The following EPHA6 variants were observed in gnomAD, a reference collection of about 807,000 sequenced individuals.
EPHA6 encodes the protein ephrin type-A receptor 6.
A neutral mutation model predicts 112.0 loss-of-function variants in EPHA6; 50 were observed. The observed-to-expected ratio is 0.45, with a 90% CI of 0.36 to 0.56. The LOEUF (loss-of-function observed/expected upper bound fraction) is 0.56, where lower values mean the gene tolerates loss of function less well. Ranked by LOEUF, EPHA6 falls within the 20% of genes least tolerant of loss-of-function variation. EPHA6 has a pLI of 0.00. For missense variants in EPHA6, 1,280 were observed against 1,417.4 expected (o/e 0.90, Z 1.56); for synonymous variants, 529 against 490.7 (o/e 1.08, Z -1.03).
chr3:97,677,979 G>C (rs907630144), intron 14 of EPHA6, among the ~76,000 whole-genome samples: 3 of 152,106 alleles, frequency 2.0e-5, no homozygotes, highest in African/African-American at 4.8e-5. Flanking sequence ...ACAAGATGAA[G>C]GCAAAACCCA....
chr3:97,076,297 C>G (rs1283893983), intron 3 of EPHA6, among the ~76,000 whole-genome samples: 2 of 152,070 alleles, frequency 1.3e-5, no homozygotes, highest in African/African-American at 4.8e-5. Context: ...AGCAAAACAG[C>G]CTTATTGCCA....
intron 5 of EPHA6, among the ~76,000 whole-genome samples, chr3:97,330,985 C>T (rs913894451): frequency 2.0e-5 from 3 of 152,110 alleles, no homozygotes; most frequent in African/African-American, 7.2e-5. Context: ...AAATTGACCA[C>T]ATAGTTGGAA....
intron 5 of EPHA6, among the ~76,000 whole-genome samples, chr3:97,334,953 C>T (rs185591321): frequency 1.2e-3 from 175 of 152,166 alleles, no homozygotes; most frequent in Non-Finnish European, 1.9e-3. Flanking sequence ...GTTTGTTTTA[C>T]GGCCTGTTAT....
At chr3:97,663,071 C>A (rs2094180454) in intron 14 of EPHA6, among the ~76,000 whole-genome samples, 1 of 152,120 alleles carries the variant, frequency 6.6e-6, no homozygotes. Context: ...CTCTGAACAA[C>A]TCTGAGGGGA....
intron 3 of EPHA6, among the ~76,000 whole-genome samples, chr3:97,181,628 T>C (rs1262862956): frequency 6.6e-6 from 1 of 152,028 alleles, no homozygotes; most frequent in African/African-American, 2.4e-5. Flanking sequence ...TATATATGTA[T>C]AAAACTTTTA....
chr3:96,848,129 A>T (rs1233486774), intron 1 of EPHA6, among the ~76,000 whole-genome samples: 1 of 152,068 alleles, frequency 6.6e-6, no homozygotes, highest in Non-Finnish European at 1.5e-5. Context: ...AATGTATCTT[A>T]CAAATTAGAT....
chr3:97,476,664 C>T (rs2091377767), intron 8 of EPHA6, among the ~76,000 whole-genome samples: 1 of 151,810 alleles, frequency 6.6e-6, no homozygotes, highest in South Asian at 2.1e-4. Flanking sequence ...AATGTGGGTC[C>T]CTGACAAATA....
intron 10 of EPHA6, among the ~76,000 whole-genome samples, chr3:97,508,447 T>C (rs949139702): frequency 8.5e-5 from 13 of 152,202 alleles, no homozygotes; most frequent in South Asian, 2.1e-4. Flanking sequence ...AGCAGGTTGT[T>C]GAGTTTCCAT....
chr3:97,378,136 T>C (rs1307392507), intron 5 of EPHA6, among the ~76,000 whole-genome samples: 2 of 152,152 alleles, frequency 1.3e-5, no homozygotes, highest in African/African-American at 4.8e-5. Flanking sequence ...CCCCATTCTG[T>C]GTGCTGTCTA....
intron 2 of EPHA6, among the ~76,000 whole-genome samples, chr3:96,901,097 T>C (rs940561079): frequency 6.6e-6 from 1 of 152,196 alleles, no homozygotes; most frequent in African/African-American, 2.4e-5. Flanking sequence ...TTGTATAAAT[T>C]ATGACATTTG....
chr3:97,395,975 C>T (rs989709162), intron 5 of EPHA6, among the ~76,000 whole-genome samples: 1 of 151,536 alleles, frequency 6.6e-6, no homozygotes, highest in African/African-American at 2.4e-5. Context: ...ACAGTGATTC[C>T]ATATGAAAGC....
At chr3:97,535,127 C>G (rs959909949) in intron 11 of EPHA6, among the ~76,000 whole-genome samples, 5 of 151,794 alleles carry the variant, frequency 3.3e-5, no homozygotes, top group Admixed American at 3.3e-4. Flanking sequence ...CCTACATCAA[C>G]TAAATATGTT....
intron 6 of EPHA6, among the ~76,000 whole-genome samples, chr3:97,418,185 T>C (rs2088292477): frequency 6.6e-6 from 1 of 151,322 alleles, no homozygotes; most frequent in South Asian, 2.1e-4. Flanking sequence ...TACACAGTCA[T>C]ACACTATATA....
intron 11 of EPHA6, among the ~76,000 whole-genome samples, chr3:97,577,585 G>A (rs2093398723): frequency 6.6e-6 from 1 of 151,974 alleles, no homozygotes; most frequent in South Asian, 2.1e-4. Flanking sequence ...TATCTCCAGG[G>A]AGTTAGAGGC....
chr3:97,306,863 C>T (rs1264255062), intron 5 of EPHA6, among the ~76,000 whole-genome samples: 1 of 150,648 alleles, frequency 6.6e-6, no homozygotes, highest in Non-Finnish European at 1.5e-5. Context: ...AGGTTATTTC[C>T]ACAAATGACT....
At chr3:97,636,743 C>G (rs1230726563) in intron 13 of EPHA6, among the ~76,000 whole-genome samples, 1 of 152,092 alleles carries the variant, frequency 6.6e-6, no homozygotes. Flanking sequence ...GATATGTATT[C>G]ATAAAATCTG....
chr3:96,956,390 A>G (rs904088740), intron 2 of EPHA6, among the ~76,000 whole-genome samples: 1 of 152,238 alleles, frequency 6.6e-6, no homozygotes, highest in Non-Finnish European at 1.5e-5. Context: ...TTAGTCCAGC[A>G]GAATTCAAAT....
intron 3 of EPHA6, among the ~76,000 whole-genome samples, chr3:97,089,841 A>G (rs764487087): frequency 1.3e-5 from 2 of 152,124 alleles, no homozygotes; most frequent in Non-Finnish European, 2.9e-5. Context: ...CATTAGTTTT[A>G]TGACCTATCT....
chr3:96,912,917 T>C (rs1045855356), intron 2 of EPHA6, among the ~76,000 whole-genome samples: 9 of 152,088 alleles, frequency 5.9e-5, no homozygotes, highest in African/African-American at 2.2e-4. Context: ...CTCAAGTCCA[T>C]AAGCAAGAGA....
Sources: allele counts gnomAD v4.1 joint callset (sites outside exome capture counted in the v4.1 genomes callset), GRCh38; gene constraint gnomAD v4.1.1; transcripts MANE v1.5; gene names NCBI Gene and HGNC (gene_info 2026-07-23, HGNC 2026-07-21).